The following CREB5 variants were observed in gnomAD, a reference collection of about 807,000 sequenced individuals.
CREB5 encodes cAMP responsive element binding protein 5.
In CREB5, 19 loss-of-function variants were observed where a neutral mutation model predicts 57.1. The observed-to-expected ratio is 0.33, with a 90% CI of 0.23 to 0.49. CREB5 has a LOEUF of 0.49. Ranked by LOEUF, CREB5 falls within the 20% of genes least tolerant of loss-of-function variation. The pLI is 0.99. For synonymous variants in CREB5, 238 were observed against 238.3 expected (o/e 1.00, Z 0.01); for missense variants, 579 against 671.6 (o/e 0.86, Z 1.52).
intron 5 of CREB5, among the ~76,000 whole-genome samples, chr7:28,703,132 A>G (rs1801947140): frequency 6.6e-6 from 1 of 152,236 alleles, no homozygotes; most frequent in Admixed American, 6.5e-5. Flanking sequence ...TGGTTTATGA[A>G]GATCATTCTG....
intron 7 of CREB5, among the ~76,000 whole-genome samples, chr7:28,737,571 AT>A (rs1207408541): frequency 0.14 from 8,410 of 59,862 alleles, 559 homozygotes; most frequent in Middle Eastern, 0.21. Flanking sequence ...ATATATATAT[AT>A]ATATATATAT....
At chr7:28,761,249 A>T (rs1003975825) in intron 7 of CREB5, among the ~76,000 whole-genome samples, 11 of 152,192 alleles carry the variant, frequency 7.2e-5, no homozygotes, top group African/African-American at 2.4e-4. Flanking sequence ...ATATTTTTGT[A>T]TGTAGTTGAC....
chr7:28,677,305 C>T (rs913002818), intron 5 of CREB5, among the ~76,000 whole-genome samples: 6 of 152,092 alleles, frequency 3.9e-5, no homozygotes, highest in Non-Finnish European at 8.8e-5. Context: ...CTTAAAAATA[C>T]ATATTCTGTC....
intron 3 of CREB5, among the ~76,000 whole-genome samples, chr7:28,503,197 T>A (rs1180889644): frequency 6.6e-6 from 1 of 152,194 alleles, no homozygotes; most frequent in Non-Finnish European, 1.5e-5. Context: ...GATCCACAAG[T>A]AGTCTCAGCA....
At chr7:28,716,141 T>A (rs1802673621) in intron 5 of CREB5, among the ~76,000 whole-genome samples, 1 of 152,218 alleles carries the variant, frequency 6.6e-6, no homozygotes, top group Non-Finnish European at 1.5e-5. Context: ...TTCTCTAATT[T>A]TTTTTAATTT....
chr7:28,739,727 A>C (rs766421363), intron 7 of CREB5, among the ~76,000 whole-genome samples: 31 of 152,202 alleles, frequency 2.0e-4, no homozygotes, highest in Non-Finnish European at 7.4e-5. Flanking sequence ...GCTAGGCTTC[A>C]TTCTTCCTGA....
chr7:28,628,968 C>G (rs1160811135), intron 5 of CREB5, among the ~76,000 whole-genome samples: 2 of 152,096 alleles, frequency 1.3e-5, no homozygotes, highest in African/African-American at 2.4e-5. Context: ...CCTTCTCCCC[C>G]ACGTCCCCTC....
intron 5 of CREB5, among the ~76,000 whole-genome samples, chr7:28,574,302 A>G (rs543791898): frequency 6.6e-6 from 1 of 152,320 alleles, no homozygotes; most frequent in East Asian, 1.9e-4. Flanking sequence ...TCCTCCAGTC[A>G]TTTTTATTAG....
intron 5 of CREB5, among the ~76,000 whole-genome samples, chr7:28,709,907 T>A (rs1244263872): frequency 2.0e-5 from 3 of 152,166 alleles, no homozygotes; most frequent in African/African-American, 7.2e-5. Context: ...TTGACCACAG[T>A]GTGGGTGTAA....
intron 5 of CREB5, among the ~76,000 whole-genome samples, chr7:28,682,684 G>T (rs1019841407): frequency 2.9e-5 from 4 of 135,750 alleles, no homozygotes; most frequent in Non-Finnish European, 6.5e-5. Flanking sequence ...CCTAAAAGTG[G>T]GGGGGGGGGG....
intron 1 of CREB5, among the ~76,000 whole-genome samples, chr7:28,309,005 C>T (rs1244623661): frequency 6.6e-6 from 1 of 152,128 alleles, no homozygotes; most frequent in African/African-American, 2.4e-5. Context: ...AAAAGACCAA[C>T]TATCCCCCCA....
chr7:28,639,544 A>T (rs7788381), intron 5 of CREB5, among the ~76,000 whole-genome samples: 1,672 of 152,274 alleles, frequency 0.011, 29 homozygotes, highest in African/African-American at 0.038. Context: ...TTCATAATAC[A>T]AGTGTGAGTT....
chr7:28,346,189 G>C (rs1786054840), intron 1 of CREB5, among the ~76,000 whole-genome samples: 1 of 152,208 alleles, frequency 6.6e-6, no homozygotes, highest in South Asian at 2.1e-4. Context: ...ATCTGTCTTA[G>C]TCTATTTAGG....
chr7:28,367,735 G>A (rs1786617537), intron 1 of CREB5, among the ~76,000 whole-genome samples: 1 of 152,144 alleles, frequency 6.6e-6, no homozygotes, highest in African/African-American at 2.4e-5. Context: ...TTGAACCCGG[G>A]AGGCAGAATT....
intron 1 of CREB5, among the ~76,000 whole-genome samples, chr7:28,333,452 C>T (rs1376389001): frequency 2.0e-5 from 3 of 152,244 alleles, no homozygotes; most frequent in East Asian, 1.9e-4. Context: ...TCATTATTGA[C>T]GTAGTCACCT....
intron 1 of CREB5, among the ~76,000 whole-genome samples, chr7:28,377,534 C>A (rs765463545): frequency 1.3e-5 from 2 of 151,692 alleles, no homozygotes; most frequent in African/African-American, 4.8e-5. Context: ...TAAAATGCAG[C>A]CTTCAGATTT....
At chr7:28,396,643 A>AT (rs113465962) in intron 1 of CREB5, among the ~76,000 whole-genome samples, 4 of 152,108 alleles carry the variant, frequency 2.6e-5, no homozygotes, top group African/African-American at 7.2e-5. Context: ...CAGGAAATAT[A>AT]TTTTTTTCTA....
intron 7 of CREB5, among the ~76,000 whole-genome samples, chr7:28,786,111 G>T (rs768961771): frequency 6.6e-6 from 1 of 152,154 alleles, no homozygotes; most frequent in Non-Finnish European, 1.5e-5. Flanking sequence ...CAGTTTCATG[G>T]CTGCCCATTT....
At chr7:28,575,266 C>T (rs181570575) in intron 5 of CREB5, among the ~76,000 whole-genome samples, 2 of 152,310 alleles carry the variant, frequency 1.3e-5, no homozygotes, top group East Asian at 3.9e-4. Context: ...TGTGAGTTCA[C>T]GTTCCTGCCC....
Sources: allele counts gnomAD v4.1 joint callset (sites outside exome capture counted in the v4.1 genomes callset), GRCh38; gene constraint gnomAD v4.1.1; transcripts MANE v1.5; gene names NCBI Gene and HGNC (gene_info 2026-07-23, HGNC 2026-07-21).